The following DPP10 variants were observed in gnomAD, a reference collection of about 807,000 sequenced individuals.
DPP10 encodes the protein dipeptidyl peptidase like 10, also known as inactive dipeptidyl peptidase 10.
A neutral mutation model predicts 120.9 loss-of-function variants in DPP10; 33 were observed. The ratio of observed to expected loss-of-function variants is 0.27; its 90% confidence interval spans 0.21 to 0.37. DPP10 has a LOEUF of 0.37. Ranked by LOEUF, DPP10 falls within the 10% of genes least tolerant of loss-of-function variation. The pLI is 1.00. For synonymous variants in DPP10, 337 were observed against 326.1 expected, an observed-to-expected ratio of 1.03 and a Z score of -0.36; for missense variants, 816 against 942.8, an observed-to-expected ratio of 0.87 and a Z score of 1.76.
intron 1 of DPP10, among the ~76,000 whole-genome samples, chr2:115,246,894 T>C (rs1055966999): frequency 2.0e-5 from 3 of 152,128 alleles, no homozygotes; most frequent in African/African-American, 7.2e-5. Context: ...CCGAACCAGA[T>C]AGGTTCTGCT....
At chr2:115,786,344 T>C (rs2149890457) in intron 17 of DPP10, among the ~76,000 whole-genome samples, 1 of 152,280 alleles carries the variant, frequency 6.6e-6, no homozygotes, top group East Asian at 1.9e-4. Flanking sequence ...CAAAACTATA[T>C]GAGGCCAGAG....
At chr2:115,396,455 G>GTAACCAGT (rs1465716057) in intron 3 of DPP10, among the ~76,000 whole-genome samples, 16 of 152,148 alleles carry the variant, frequency 1.1e-4, no homozygotes, top group Non-Finnish European at 1.8e-4. Context: ...CGTGAAGTAA[G>GTAACCAGT]TAACCAGTAA....
chr2:114,777,436 A>G (rs1296136369), intron 1 of DPP10, among the ~76,000 whole-genome samples: 1 of 150,696 alleles, frequency 6.6e-6, no homozygotes, highest in Non-Finnish European at 1.5e-5. Context: ...TGGATATATT[A>G]TTCCTACTAA....
chr2:115,652,398 A>G (rs1575442498), intron 5 of DPP10, among the ~76,000 whole-genome samples: 2 of 132,662 alleles, frequency 1.5e-5, no homozygotes, highest in East Asian at 4.1e-4. Flanking sequence ...AAGAAAACCA[A>G]TAGGATATAT....
intron 1 of DPP10, among the ~76,000 whole-genome samples, chr2:114,465,908 C>T (rs1679325590): frequency 1.3e-5 from 2 of 152,154 alleles, no homozygotes; most frequent in Admixed American, 1.3e-4. Context: ...TAATTATAGT[C>T]ACCTACAGTG....
intron 7 of DPP10, among the ~76,000 whole-genome samples, chr2:115,706,685 T>C (rs2149552723): frequency 6.6e-6 from 1 of 152,100 alleles, no homozygotes; most frequent in Non-Finnish European, 1.5e-5. Context: ...TTTCATTTGA[T>C]CAGCAGTCTA....
At chr2:114,505,076 A>AT (rs1683528731) in intron 1 of DPP10, among the ~76,000 whole-genome samples, 1 of 146,722 alleles carries the variant, frequency 6.8e-6, no homozygotes, top group African/African-American at 2.6e-5. Context: ...AAAAAAAAAA[A>AT]GAAGGAAACT....
intron 1 of DPP10, among the ~76,000 whole-genome samples, chr2:114,680,742 A>T (rs1303496127): frequency 1.3e-5 from 2 of 152,086 alleles, no homozygotes; most frequent in Non-Finnish European, 2.9e-5. Context: ...GGTTGTTTTC[A>T]TAGGCTATTC....
chr2:115,621,662 T>A (rs2084954235), intron 5 of DPP10, among the ~76,000 whole-genome samples: 2 of 152,144 alleles, frequency 1.3e-5, no homozygotes, highest in South Asian at 2.1e-4. Flanking sequence ...TTAAAAAAAA[T>A]TCTATGTATT....
chr2:115,620,754 A>T (rs560395405), intron 5 of DPP10, among the ~76,000 whole-genome samples: 22 of 152,334 alleles, frequency 1.4e-4, no homozygotes, highest in African/African-American at 5.1e-4. Context: ...ATCCCTGCAT[A>T]GTTATTTAGG....
intron 3 of DPP10, among the ~76,000 whole-genome samples, chr2:115,455,308 G>A (rs981627467): frequency 6.6e-6 from 1 of 151,672 alleles, no homozygotes. Flanking sequence ...AAATTGATGA[G>A]CTGGTTTAGA....
At chr2:115,632,513 A>G (rs1009148389) in intron 5 of DPP10, among the ~76,000 whole-genome samples, 17 of 152,108 alleles carry the variant, frequency 1.1e-4, no homozygotes, top group Non-Finnish European at 2.1e-4. Flanking sequence ...CCTTCCTACA[A>G]TAGCTCTTAC....
chr2:115,486,973 G>C (rs1424532546), intron 3 of DPP10, among the ~76,000 whole-genome samples: 1 of 152,080 alleles, frequency 6.6e-6, no homozygotes, highest in Non-Finnish European at 1.5e-5. Context: ...CAATTATGAT[G>C]ACTTTTAAAT....
intron 1 of DPP10, among the ~76,000 whole-genome samples, chr2:114,793,878 G>A (rs188976188): frequency 2.6e-5 from 4 of 152,190 alleles, no homozygotes; most frequent in Non-Finnish European, 5.9e-5. Context: ...TTACTCTCTA[G>A]TGCTTCAAGT....
chr2:114,608,684 A>C (rs934021292), intron 1 of DPP10, among the ~76,000 whole-genome samples: 2 of 151,816 alleles, frequency 1.3e-5, no homozygotes, highest in Non-Finnish European at 2.9e-5. Flanking sequence ...GTACATATAC[A>C]CCATGGACTG....
chr2:114,563,819 G>A (rs1218483558), intron 1 of DPP10, among the ~76,000 whole-genome samples: 1 of 152,192 alleles, frequency 6.6e-6, no homozygotes, highest in Admixed American at 6.5e-5. Flanking sequence ...GGCACAAAGT[G>A]AGGAAAAGAA....
intron 3 of DPP10, among the ~76,000 whole-genome samples, chr2:115,465,612 C>G (rs1176042574): frequency 6.6e-6 from 1 of 152,132 alleles, no homozygotes; most frequent in Non-Finnish European, 1.5e-5. Flanking sequence ...CACCTGAGGT[C>G]AGGAGTTCAT....
intron 10 of DPP10, 57 bp from the exon 11 acceptor site, chr2:115,753,117 G>A (rs1293551723): frequency 1.1e-5 from 16 of 1,505,722 alleles, no homozygotes; most frequent in African/African-American, 1.4e-5. Context: ...GTATATTGTT[G>A]GTACTATATC....
intron 1 of DPP10, among the ~76,000 whole-genome samples, chr2:115,024,839 G>T (rs1449054298): frequency 6.7e-6 from 1 of 148,406 alleles, no homozygotes; most frequent in East Asian, 1.9e-4. Flanking sequence ...ATATATGTGT[G>T]TGTGTGTATC....
Sources: gnomAD v4.1 joint callset for allele counts (sites outside exome capture counted in the v4.1 genomes callset) on GRCh38, gnomAD v4.1.1 for gene constraint, MANE v1.5 for transcripts, NCBI Gene and HGNC (gene_info 2026-07-23, HGNC 2026-07-21) for gene names.